Variants in SCML2 observed in about 807,000 individuals in gnomAD.
SCML2 encodes the protein Scm polycomb group protein like 2.
SCML2 carries 6 observed loss-of-function variants against 48.4 expected under a neutral mutation model. The ratio of observed to expected loss-of-function variants is 0.12; its 90% CI spans 0.07 to 0.24. The LOEUF is 0.24. SCML2 is among the 10% of genes least tolerant of loss of function. The probability of loss-of-function intolerance (pLI) is 1.00; values close to 1 mark genes in which losing one functional copy is unlikely to be tolerated. For synonymous variants in SCML2, 181 were observed against 189.5 expected (o/e 0.95, Z 0.37); for missense variants, 377 against 528.2 (o/e 0.71, Z 2.81).
intron 7 of SCML2, among the ~76,000 whole-genome samples, chrX:18,304,297 A>T (rs1928688981): frequency 8.9e-6 from 1 of 112,066 alleles, no homozygotes; most frequent in African/African-American, 3.2e-5. Context: ...TCCATCATAG[A>T]AGACCAGGTT....
At chrX:18,330,555 A>T (rs368834700) in intron 3 of SCML2, 32 bp downstream of exon 3, 27 of 914,049 alleles carry the variant, frequency 3.0e-5, no homozygotes, top group Non-Finnish European at 4.0e-5. Context: ...GAGGAAGAAA[A>T]CTATGCTGTA....
At chrX:18,271,932 G>T (rs1392529579) in intron 7 of SCML2, among the ~76,000 whole-genome samples, 1 of 110,419 alleles carries the variant, frequency 9.1e-6, no homozygotes, top group Admixed American at 9.7e-5. Context: ...ACAGAACCCA[G>T]ATTGCCACAA....
In SCML2 at chrX:18,354,602, G is replaced by C. The variant is rs1367668915; in HGVS notation, c.-35C>G. 5 of 285,149 alleles carry C rather than the reference G, an allele frequency of 1.8e-5. No homozygotes were observed. Among genetic ancestry groups the C allele is most frequent in the African/African-American group, 2.8e-5 (1 of 36,114 alleles). 23.5% of individuals were successfully genotyped at this position (285,149 alleles called of 1,213,427 possible). A position where few individuals can be genotyped will look rare whatever the true frequency, so the allele number is the denominator to read the frequency against. On this transcript the variant is annotated 5_prime_UTR_variant, in exon 1 of 15. Coordinates refer to ENST00000251900, the MANE Select transcript of SCML2 (RefSeq NM_006089.3). ...GGAATCACCACGTACCTCCAGTCTC[G>C]TCGGTGAAAACAACGAAATTCTGTC... is the stretch of plus-strand genomic sequence containing the variant.
chrX:18,307,411 T>A (rs2147524698), intron 6 of SCML2, among the ~76,000 whole-genome samples: 1 of 112,007 alleles, frequency 8.9e-6, no homozygotes, highest in Admixed American at 9.5e-5. Flanking sequence ...GTTAACTGCC[T>A]GTTACTATGT....
At chrX:18,248,021 G>T in intron 11 of SCML2, 139 bp from the exon 12 acceptor site, 1 of 433,677 alleles carries the variant, frequency 2.3e-6, no homozygotes, top group Non-Finnish European at 4.0e-6. Context: ...ATTATTTGAT[G>T]TTCATGAATA....
chrX:18,284,158 A>G (rs1927962440), intron 7 of SCML2, among the ~76,000 whole-genome samples: 1 of 112,041 alleles, frequency 8.9e-6, no homozygotes, highest in Non-Finnish European at 1.9e-5. Flanking sequence ...AAAACAAACA[A>G]TGGAGAAAGG....
intron 11 of SCML2, among the ~76,000 whole-genome samples, chrX:18,249,626 T>TA (rs760318350): frequency 9.0e-6 from 1 of 111,382 alleles, no homozygotes; most frequent in East Asian, 2.8e-4. Context: ...CCAAAAAGCT[T>TA]AAAAGGAAAA....
chrX:18,283,621 A>G (rs1480948170), intron 7 of SCML2, among the ~76,000 whole-genome samples: 2 of 112,660 alleles, frequency 1.8e-5, no homozygotes, highest in African/African-American at 6.4e-5. Flanking sequence ...CGGAAAAATG[A>G]GTAACATTTC....
chrX:18,301,990 T>C (rs917461210), intron 7 of SCML2, among the ~76,000 whole-genome samples: 3 of 111,308 alleles, frequency 2.7e-5, no homozygotes, highest in Non-Finnish European at 3.8e-5. Context: ...AATACTAATG[T>C]GGTTCTCAAT....
chrX:18,311,292 A>G (rs1453219217), intron 6 of SCML2, among the ~76,000 whole-genome samples: 1 of 112,188 alleles, frequency 8.9e-6, no homozygotes, highest in Non-Finnish European at 1.9e-5. Flanking sequence ...ATTAACAAGC[A>G]AAAAAGACAA....
intron 1 of SCML2, among the ~76,000 whole-genome samples, chrX:18,337,305 CAAAAAAAAAAAA>C (rs770888184): frequency 2.0e-4 from 1 of 5,059 alleles, no homozygotes; most frequent in Admixed American, 4.6e-3. Flanking sequence ...GACTCTGTCT[CAAAAAAAAAAAA>C]AAAAAAAAAA....
chrX:18,281,642 GC>G (rs751759450), intron 7 of SCML2, among the ~76,000 whole-genome samples: 280 of 106,454 alleles, frequency 2.6e-3, no homozygotes, highest in Non-Finnish European at 4.1e-3. Context: ...AACCTGGGAG[GC>G]GGAGGTTGCA....
At position 18,259,545 on chromosome X, in the gene SCML2, C is replaced by G. The variant is rs182038391; in HGVS notation, c.1069+626G>C. ...CAACCCACGGTGCTGATGACATGGACAAATTCTACTGAACACAAGCGAAGC... is the reference window on the plus strand; with the variant it reads ...CAACCCACGGTGCTGATGACATGGAGAAATTCTACTGAACACAAGCGAAGC... On this transcript the variant is annotated intron_variant, in intron 9 of 14. Transcript: ENST00000251900. Among the ~76,000 whole-genome samples, 3 of 111,710 alleles carry G rather than the reference C, an allele frequency of 2.7e-5. No individual in the cohort carries two copies. In the Admixed American group the frequency reaches 2.9e-4, roughly 11 times the overall value.
intron 6 of SCML2, among the ~76,000 whole-genome samples, chrX:18,314,604 T>C (rs921524755): frequency 3.6e-5 from 4 of 112,118 alleles, no homozygotes; most frequent in Non-Finnish European, 7.5e-5. Context: ...TAAATATTTA[T>C]CTTCCTGTAT....
chrX:18,296,744 C>A (rs1928408166), intron 7 of SCML2, among the ~76,000 whole-genome samples: 1 of 111,481 alleles, frequency 9.0e-6, no homozygotes, highest in African/African-American at 3.3e-5. Flanking sequence ...AGCAATGAGA[C>A]TGAATCAGTA....
chrX:18,289,310 C>T (rs1286044057), intron 7 of SCML2, among the ~76,000 whole-genome samples: 1 of 112,249 alleles, frequency 8.9e-6, no homozygotes, highest in Non-Finnish European at 1.9e-5. Context: ...CAAGATGCTT[C>T]TTTGCATCAT....
chrX:18,320,354 G>A lies in SCML2; in HGVS notation c.464C>T (p.Ala155Val). ...LLKTLNGSEMASATLFKKEPP... is the reference protein window; with the variant it reads ...LLKTLNGSEMVSATLFKKEPP... ...TACCTTCTTAAATAATGTGGCAGATGCCATTTCAGACCCATTTAGTGTCTT... is the reference window on the plus strand; with the variant it reads ...TACCTTCTTAAATAATGTGGCAGATACCATTTCAGACCCATTTAGTGTCTT... The change falls in exon 6 of 15, where the codon GCA becomes GTA. Residue 155 changes from alanine to valine, a missense_variant. This residue lies in a region of SCML2 where 299 missense variants were observed against 425.5 expected (regional missense o/e 0.70). Transcript: ENST00000251900. 1 of 1,141,880 alleles carries A rather than the reference G, an allele frequency of 8.8e-7. No homozygotes were observed. Among genetic ancestry groups the A allele is most frequent in the Non-Finnish European group, 1.2e-6 (1 of 846,471 alleles). 94.1% of individuals were successfully genotyped at this position (1,141,880 alleles called of 1,213,427 possible).
At chrX:18,266,118 A>G (rs1243755078) in intron 7 of SCML2, among the ~76,000 whole-genome samples, 1 of 111,270 alleles carries the variant, frequency 9.0e-6, no homozygotes, top group Non-Finnish European at 1.9e-5. Flanking sequence ...GGGAAGCACA[A>G]AAAGGAGTCT....
rs968446101 is a variant in SCML2 at position 18,350,899 on chromosome X, T to C, written c.-25+3693A>G. On this transcript the variant is annotated intron_variant, in intron 1 of 14. Transcript: ENST00000251900. Reference sequence around the variant, plus strand: ...TAAGATAAACGCCAGTGGTTTCTTTTATCTATTTCCCCAAGACAAAGAGAT... The same window carrying C: ...TAAGATAAACGCCAGTGGTTTCTTTCATCTATTTCCCCAAGACAAAGAGAT... Among the ~76,000 whole-genome samples the C allele has an allele frequency of 4.5e-5, 5 of 111,813 alleles. 1 individual carries two copies. Among genetic ancestry groups the C allele is most frequent in the East Asian group, 2.8e-4 (1 of 3,563 alleles).
Sources: allele counts gnomAD v4.1 joint callset (sites outside exome capture counted in the v4.1 genomes callset), GRCh38; gene constraint gnomAD v4.1.1; regional missense constraint gnomAD v4.1.1; transcripts MANE v1.5; gene names NCBI Gene and HGNC (gene_info 2026-07-23, HGNC 2026-07-21).